Variants in SLC39A6 observed in about 807,000 individuals in gnomAD.
SLC39A6 encodes the protein zinc transporter ZIP6.
Under a neutral mutation model 63.5 loss-of-function variants are expected in SLC39A6, and 51 were observed. The observed-to-expected ratio is 0.80, with a 90% confidence interval of 0.64 to 1.01. The LOEUF is 1.01. Among genes scored for constraint, SLC39A6 ranks in the 50% least tolerant of loss-of-function variants. SLC39A6 has a pLI of 0.00. For missense variants in SLC39A6, 805 were observed against 927.8 expected (o/e 0.87, Z 1.72); for synonymous variants, 318 against 324.7 (o/e 0.98, Z 0.22).
Position 36,126,689 on chromosome 18 carries a change from C to G in SLC39A6, c.319G>C (p.Asp107His). 1.2e-6 allele frequency: 2 copies of G among 1,613,292 alleles called. No individual in the cohort carries two copies. The highest frequency in any genetic ancestry group is 4.5e-5 in the East Asian group (2 of 44,882). Residue 107 changes from aspartate (D) to histidine (H), a missense_variant, in exon 2 of 10, where the codon GAC (aspartate) becomes CAC (histidine). This residue lies in a region of SLC39A6 where 639 missense variants were observed against 644.0 expected (regional missense o/e 0.99). Coordinates refer to ENST00000269187, the MANE Select transcript of SLC39A6 (RefSeq NM_012319.4). ...DHHSDHEHHS[D>H]HERHSDHEHH... The stretch of plus-strand genomic sequence containing the variant: ...TCATGGTCTGAGTGACGCTCATGGT[C>G]TGAGTGATGCTCGTGGTCTGAGTGA...
At chr18:36,127,489 C>T (rs574052818) in intron 1 of SLC39A6, among the ~76,000 whole-genome samples, 5 of 151,298 alleles carry the variant, frequency 3.3e-5, no homozygotes, top group African/African-American at 1.2e-4. Flanking sequence ...GCCTGGGCAA[C>T]ATTGTGAAAC....
intron 5 of SLC39A6, among the ~76,000 whole-genome samples, chr18:36,117,673 A>T (rs2089357493): frequency 6.6e-6 from 1 of 152,204 alleles, no homozygotes; most frequent in African/African-American, 2.4e-5. Flanking sequence ...CACCATACCT[A>T]AGATTTCATT....
At position 36,126,894 on chromosome 18, in the gene SLC39A6, C is replaced by T. The variant is rs775264520; in HGVS notation, c.114G>A (p.Pro38=). The T allele has an allele frequency of 2.7e-5, 44 of 1,613,970 alleles. No individual in the cohort carries two copies. In the Admixed American group the frequency reaches 4.0e-4, roughly 15 times the overall value. The change falls in exon 2 of 10, where the codon CCG becomes CCA. Residue 38 remains proline, a synonymous_variant. Coordinates refer to ENST00000269187, the MANE Select transcript of SLC39A6 (RefSeq NM_012319.4). Reference sequence around the variant, plus strand: ...CAACATTAATGCCAGATTCCCAATTCGGACTAATTTTCTCAGTGGTCTGGG... The same window carrying T: ...CAACATTAATGCCAGATTCCCAATTTGGACTAATTTTCTCAGTGGTCTGGG... The part of the protein sequence containing the change: ...AFPQTTEKIS[P]NWESGINVDL...
At chr18:36,113,228 G>A (rs1476661064) in intron 7 of SLC39A6, among the ~76,000 whole-genome samples, 3 of 151,786 alleles carry the variant, frequency 2.0e-5, no homozygotes, top group Admixed American at 2.0e-4. Context: ...CCAGGCAGCT[G>A]GGACTACAGG....
Position 36,123,513 on chromosome 18 carries a change from A to C in SLC39A6, c.1122T>G (p.Phe374Leu). ...TACTTACATGTGGAAGAAGGTGTAA[A>C]AAAGCATCACCACTCAAAGTCCCAA... The part of the protein sequence containing the change: ...LAVGTLSGDA[F>L]LHLLPHSHAS... The change falls in exon 4 of 10, where the codon TTT (phenylalanine) becomes TTG (leucine). Residue 374 changes from phenylalanine (F) to leucine (L), a missense_variant. Phe to Leu is a conservative substitution (Grantham distance 22). Around this residue, in one of 4 missense-constraint regions of SLC39A6, gnomAD observed 639 missense variants for 644.0 expected, o/e 0.99. Transcript: ENST00000269187. 1 of 1,611,500 alleles carries C rather than the reference A, an allele frequency of 6.2e-7. No homozygotes were observed. Among genetic ancestry groups the C allele is most frequent in the Non-Finnish European group, 8.5e-7 (1 of 1,179,398 alleles).
chr18:36,113,651 T>C (rs1260900086), intron 7 of SLC39A6, among the ~76,000 whole-genome samples: 2 of 152,228 alleles, frequency 1.3e-5, no homozygotes, highest in Non-Finnish European at 2.9e-5. Context: ...TAGCAAAAGT[T>C]CTATAATTCT....
chr18:36,111,180 G>T lies in SLC39A6; in HGVS notation c.1994C>A (p.Ala665Asp). 1 of 1,614,060 alleles carries T rather than the reference G, an allele frequency of 6.2e-7. No individual in the cohort carries two copies. The highest frequency in any genetic ancestry group is 8.5e-7 in the Non-Finnish European group (1 of 1,179,930). The part of the protein sequence containing the change: ...KQAVLYNALS[A>D]MLAYLGMATG... ...TGCCATTCCAAGATACGCCAGCATG[G>T]CTGACAATGCATTATAAAGGACAGC... Residue 665 changes from alanine (A) to aspartate (D), a missense_variant, in exon 9 of 10, where the codon GCC (alanine) becomes GAC (aspartate). By Grantham distance (126) the Ala-to-Asp change is moderately radical (BLOSUM62 -2). Around this residue, in one of 4 missense-constraint regions of SLC39A6, gnomAD observed 145 missense variants for 227.2 expected, o/e 0.64. Coordinates refer to ENST00000269187, the MANE Select transcript of SLC39A6 (RefSeq NM_012319.4).
At chr18:36,115,277 T>C (rs530838657) in intron 6 of SLC39A6, among the ~76,000 whole-genome samples, 2 of 151,818 alleles carry the variant, frequency 1.3e-5, no homozygotes, top group Middle Eastern at 3.4e-3. Context: ...CCGTCTCTAC[T>C]AAAAATACAA....
chr18:36,116,395 A>G (rs2089345846), intron 6 of SLC39A6, among the ~76,000 whole-genome samples: 1 of 152,200 alleles, frequency 6.6e-6, no homozygotes, highest in African/African-American at 2.4e-5. Flanking sequence ...AGTGTGGTAA[A>G]ATAACTGGGG....
In SLC39A6 at chr18:36,126,845, A is replaced by G. The variant is rs371642550; in HGVS notation, c.163T>C (p.Tyr55His). ...CGGTAGAAAAGCTGTTGTAGATGAT[A>G]TTGCCGTGTGGAAATTGCCAAGTCA... ...NVDLAISTRQYHLQQLFYRYG... is the reference protein window; with the variant it reads ...NVDLAISTRQHHLQQLFYRYG... The change falls in exon 2 of 10, where the codon TAT becomes CAT. Residue 55 changes from tyrosine to histidine, a missense_variant. Physicochemically the swap from Tyr to His is moderately conservative, Grantham distance 83. Around this residue, in one of 4 missense-constraint regions of SLC39A6, gnomAD observed 639 missense variants for 644.0 expected, o/e 0.99. Transcript: ENST00000269187. 3.1e-6 allele frequency: 5 copies of G among 1,614,064 alleles called. No individual in the cohort carries two copies. Among genetic ancestry groups the G allele is most frequent in the Non-Finnish European group, 3.4e-6 (4 of 1,180,046 alleles).
chr18:36,114,142 T>C lies in SLC39A6; in HGVS notation c.1798A>G (p.Ile600Val). The C allele has an allele frequency of 2.5e-6, 4 of 1,613,796 alleles. No homozygotes were observed. The highest frequency in any genetic ancestry group is 3.4e-6 in the Non-Finnish European group (4 of 1,179,784). The change falls in exon 7 of 10, where the codon ATA becomes GTA. Residue 600 changes from isoleucine (I) to valine (V), a missense_variant. Ile to Val is a conservative substitution (Grantham distance 29). Around this residue, in one of 4 missense-constraint regions of SLC39A6, gnomAD observed 145 missense variants for 227.2 expected, o/e 0.64. Transcript: ENST00000269187. ...AAATTGTGCAGGCCATCACCCATTA[T>C]CACCATCCAGGCCAGAGTGGCGACG... ...AGVATLAWMV[I>V]MGDGLHNFSD...
At chr18:36,123,103 T>TAA (rs760801006) in intron 4 of SLC39A6, among the ~76,000 whole-genome samples, 21 of 152,216 alleles carry the variant, frequency 1.4e-4, no homozygotes, top group Non-Finnish European at 2.9e-5. Flanking sequence ...AATACATACA[T>TAA]AAACATTCAA....
chr18:36,128,071 T>G (rs2089459660), intron 1 of SLC39A6, among the ~76,000 whole-genome samples: 1 of 152,224 alleles, frequency 6.6e-6, no homozygotes, highest in Non-Finnish European at 1.5e-5. Context: ...CAACATTTAA[T>G]CACAGGCTGT....
At chr18:36,127,847 C>G (rs532848808) in intron 1 of SLC39A6, among the ~76,000 whole-genome samples, 2 of 148,188 alleles carry the variant, frequency 1.3e-5, no homozygotes, top group East Asian at 4.0e-4. Context: ...CTCCTGGCCT[C>G]AAGAGATCCT....
At chr18:36,117,766 G>A (rs188281185) in intron 5 of SLC39A6, among the ~76,000 whole-genome samples, 2 of 152,064 alleles carry the variant, frequency 1.3e-5, no homozygotes, top group Non-Finnish European at 1.5e-5. Context: ...GCATGGTGGC[G>A]AACGCCTGTA....
chr18:36,115,521 C>A (rs1445135429), intron 6 of SLC39A6, among the ~76,000 whole-genome samples: 1 of 151,912 alleles, frequency 6.6e-6, no homozygotes, highest in Non-Finnish European at 1.5e-5. Context: ...GTGGTCTAGG[C>A]ACAGTGGCTC....
chr18:36,112,396 A>C (rs1399528730), intron 8 of SLC39A6, 105 bp downstream of exon 8: 1 of 779,812 alleles, frequency 1.3e-6, no homozygotes, highest in East Asian at 2.5e-5. Flanking sequence ...ACTTATGAGA[A>C]GGCATGAAAT....
intron 6 of SLC39A6, among the ~76,000 whole-genome samples, chr18:36,115,343 G>A (rs529198442): frequency 1.7e-4 from 26 of 152,092 alleles, no homozygotes; most frequent in African/African-American, 5.8e-4. Flanking sequence ...TCGGGAGGCT[G>A]AGGCAGGAGA....
Position 36,126,670 on chromosome 18 carries a change from T to A in SLC39A6, c.338A>T (p.Asp113Val), listed in dbSNP as rs753477452. 5.6e-6 allele frequency: 9 copies of A among 1,602,698 alleles called. No individual in the cohort carries two copies. The highest frequency in any genetic ancestry group is 7.7e-6 in the Non-Finnish European group (9 of 1,172,220). ...CTCGTGCTCTGAGTGATGCTCATGG[T>A]CTGAGTGACGCTCATGGTCTGAGTG... ...EHHSDHERHS[D>V]HEHHSEHEHH... Residue 113 changes from aspartate (D) to valine (V), a missense_variant, in exon 2 of 10, where the codon GAC (aspartate) becomes GTC (valine). Transcript: ENST00000269187.
Sources: gnomAD v4.1 joint callset for allele counts (sites outside exome capture counted in the v4.1 genomes callset) on GRCh38, gnomAD v4.1.1 for gene constraint, gnomAD v4.1.1 regional missense constraint, MANE v1.5 for transcripts, NCBI Gene and HGNC (gene_info 2026-07-23, HGNC 2026-07-21) for gene names.